Variants in THEMIS observed in about 807,000 individuals in gnomAD.
THEMIS encodes protein THEMIS.
Under a neutral mutation model 52.6 loss-of-function variants are expected in THEMIS, and 37 were observed. The observed-to-expected ratio is 0.70, with a 90% confidence interval of 0.54 to 0.93. The LOEUF is 0.93. Among genes scored for constraint, THEMIS ranks in the 40% least tolerant of loss-of-function variants. The pLI, the probability that THEMIS is intolerant of heterozygous loss-of-function variation, is 0.00. For synonymous variants in THEMIS, 292 were observed against 272.7 expected, an observed-to-expected ratio of 1.07 and a Z score of -0.70; for missense variants, 808 against 763.1, an observed-to-expected ratio of 1.06 and a Z score of -0.69.
intron 3 of THEMIS, among the ~76,000 whole-genome samples, chr6:127,815,528 A>T (rs1177536415): frequency 6.6e-6 from 1 of 152,154 alleles, no homozygotes; most frequent in African/African-American, 2.4e-5. Context: ...TAAAAAAAAT[A>T]AAAAATCAGT....
At chr6:127,893,259 A>T (rs1358894472) in intron 1 of THEMIS, among the ~76,000 whole-genome samples, 1 of 152,098 alleles carries the variant, frequency 6.6e-6, no homozygotes, top group African/African-American at 2.4e-5. Flanking sequence ...AATTCAAATC[A>T]GTTTTGTTTT....
At chr6:127,818,051 G>C (rs1461390603) in intron 3 of THEMIS, among the ~76,000 whole-genome samples, 1 of 152,046 alleles carries the variant, frequency 6.6e-6, no homozygotes, top group Non-Finnish European at 1.5e-5. Flanking sequence ...CTTTACCAGA[G>C]ACTAACTATC....
chr6:127,891,519 G>A (rs185436950), intron 1 of THEMIS, among the ~76,000 whole-genome samples: 44 of 109,578 alleles, frequency 4.0e-4, no homozygotes, highest in African/African-American at 1.5e-3. Flanking sequence ...CTGGGTGACA[G>A]AAAGAGACTC....
intron 1 of THEMIS, among the ~76,000 whole-genome samples, chr6:127,891,426 C>G (rs534275024): frequency 6.6e-6 from 1 of 150,846 alleles, no homozygotes; most frequent in South Asian, 2.1e-4. Context: ...GTCCCAGCTA[C>G]TCGTGAGACT....
intron 1 of THEMIS, among the ~76,000 whole-genome samples, chr6:127,895,271 G>A (rs1320731877): frequency 2.0e-5 from 3 of 151,260 alleles, no homozygotes; most frequent in Non-Finnish European, 4.4e-5. Context: ...ATAAGACAAG[G>A]ATTTCCACTA....
the THEMIS span, among the ~76,000 whole-genome samples, chr6:127,703,035 G>GGTTTTTTTTTTTTTTTTTTTTTTTTTTT: frequency 9.7e-5 from 8 of 82,352 alleles, 2 homozygotes; most frequent in Non-Finnish European, 1.3e-4. Context: ...TTTAGAATGA[G>GGTTTTTTTTTTTTTTTTTTTTTTTTTTT]TTTTTTTTTT....
chr6:127,874,436 G>A (rs1278134425), intron 1 of THEMIS, among the ~76,000 whole-genome samples: 2 of 152,048 alleles, frequency 1.3e-5, no homozygotes, highest in East Asian at 3.9e-4. Flanking sequence ...TATATTTTAT[G>A]GTAGTATACG....
At chr6:127,796,243 G>A (rs890100431) in intron 4 of THEMIS, among the ~76,000 whole-genome samples, 1 of 152,142 alleles carries the variant, frequency 6.6e-6, no homozygotes, top group African/African-American at 2.4e-5. Flanking sequence ...CATTGATTTT[G>A]TGAGATGAAA....
chr6:127,885,526 G>T (rs1402587166), intron 1 of THEMIS, among the ~76,000 whole-genome samples: 1 of 151,750 alleles, frequency 6.6e-6, no homozygotes, highest in Non-Finnish European at 1.5e-5. Context: ...AAGGGTAAAG[G>T]TCATACTTCA....
rs756125412 is a variant in THEMIS at position 127,813,157 on chromosome 6, A to G, written c.1484T>C (p.Phe495Ser). ...ITDSYLLISD[F>S]ANPTECWEIP... ...TTCCCAGCACTCCGTGGGGTTGGCAAAGTCACTTATGAGTAGGTAAGAGTC... is the reference window on the plus strand; with the variant it reads ...TTCCCAGCACTCCGTGGGGTTGGCAGAGTCACTTATGAGTAGGTAAGAGTC... The change falls in exon 4 of 6, where the codon TTT becomes TCT. Residue 495 changes from phenylalanine to serine, a missense_variant. Coordinates refer to ENST00000368248, the MANE Select transcript of THEMIS (RefSeq NM_001010923.3). The G allele has an allele frequency of 6.2e-7, 1 of 1,614,102 alleles. No individual in the cohort carries two copies. The highest frequency in any genetic ancestry group is 8.5e-7 in the Non-Finnish European group (1 of 1,180,002).
At chr6:127,898,749 G>A (rs939164427) in intron 1 of THEMIS, among the ~76,000 whole-genome samples, 2 of 151,778 alleles carry the variant, frequency 1.3e-5, no homozygotes, top group Non-Finnish European at 2.9e-5. Context: ...TCCATCAACA[G>A]ATGAATAGAC....
At chr6:127,738,041 T>C (rs893943003) in intron 4 of THEMIS, among the ~76,000 whole-genome samples, 1 of 152,160 alleles carries the variant, frequency 6.6e-6, no homozygotes, top group African/African-American at 2.4e-5. Flanking sequence ...GGTTTTGTTC[T>C]ACTTATAACT....
chr6:127,759,845 TC>T (rs1421671617), intron 4 of THEMIS, among the ~76,000 whole-genome samples: 1 of 53,520 alleles, frequency 1.9e-5, no homozygotes, highest in African/African-American at 6.8e-5. Flanking sequence ...CCTCCCTCCC[TC>T]CCTCCCTCCC....
intron 2 of THEMIS, among the ~76,000 whole-genome samples, chr6:127,846,544 T>C (rs1779220882): frequency 6.6e-6 from 1 of 151,966 alleles, no homozygotes; most frequent in South Asian, 2.1e-4. Flanking sequence ...CTAGAGGAAT[T>C]GGATAAATAC....
At chr6:127,845,811 G>A (rs1303294542) in intron 2 of THEMIS, among the ~76,000 whole-genome samples, 1 of 151,562 alleles carries the variant, frequency 6.6e-6, no homozygotes, top group Non-Finnish European at 1.5e-5. Flanking sequence ...GAATAGCTGG[G>A]AAATGAGATT....
chr6:127,847,278 AG>A (rs1248805178), intron 2 of THEMIS, among the ~76,000 whole-genome samples: 1 of 151,976 alleles, frequency 6.6e-6, no homozygotes, highest in African/African-American at 2.4e-5. Flanking sequence ...TGGAAGTCCT[AG>A]CCACAGCAAT....
At position 127,813,857 on chromosome 6, in the gene THEMIS, T is replaced by G; in HGVS notation, c.784A>C (p.Asn262His). Reference sequence around the variant, plus strand: ...GTTGATAACAGCTGAAGAAACCAGTTAGCATCGTAAGAATCAGTGATGTCT... The same window carrying G: ...GTTGATAACAGCTGAAGAAACCAGTGAGCATCGTAAGAATCAGTGATGTCT... The part of the protein sequence containing the change: ...VKDITDSYDA[N>H]WFLQLLSTED... Residue 262 changes from asparagine to histidine, a missense_variant, in exon 4 of 6, where the codon AAC becomes CAC. Transcript: ENST00000368248. The G allele has an allele frequency of 6.2e-7, 1 of 1,612,710 alleles. No homozygotes were observed.
chr6:127,717,302 T>TG (rs747735236), intron 5 of THEMIS, among the ~76,000 whole-genome samples: 15 of 151,928 alleles, frequency 9.9e-5, no homozygotes, highest in Non-Finnish European at 2.2e-4. Flanking sequence ...AGCTACCTAA[T>TG]GGGGGAGCCA....
intron 2 of THEMIS, among the ~76,000 whole-genome samples, chr6:127,851,523 G>C (rs1779424654): frequency 1.3e-5 from 2 of 151,674 alleles, no homozygotes; most frequent in South Asian, 4.1e-4. Flanking sequence ...TTAAAAAAAT[G>C]AGCAAAAGAC....
Sources: gnomAD v4.1 joint callset for allele counts (sites outside exome capture counted in the v4.1 genomes callset) on GRCh38, gnomAD v4.1.1 for gene constraint, MANE v1.5 for transcripts, NCBI Gene and HGNC (gene_info 2026-07-23, HGNC 2026-07-21) for gene names.